TTC7B: variants seen among roughly 807,000 people sequenced by gnomAD.
The protein encoded by TTC7B is tetratricopeptide repeat domain 7B.
Under a neutral mutation model 106.8 loss-of-function variants are expected in TTC7B, and 28 were observed. The observed-to-expected ratio is 0.26, with a 90% CI of 0.19 to 0.36. The LOEUF is 0.36. TTC7B is among the 10% of genes least tolerant of loss of function. TTC7B has a pLI of 1.00. For synonymous variants in TTC7B, 405 were observed against 430.6 expected (o/e 0.94, Z 0.74); for missense variants, 862 against 1,076.4 (o/e 0.80, Z 2.79).
chr14:90,738,099 A>G (rs1889616375), intron 4 of TTC7B, among the ~76,000 whole-genome samples: 1 of 152,212 alleles, frequency 6.6e-6, no homozygotes, highest in Non-Finnish European at 1.5e-5. Flanking sequence ...CAGTAATGCT[A>G]TTTTTGAGAA....
chr14:90,633,126 T>C lies in TTC7B; in HGVS notation c.1751+10922A>G, dbSNP rs569884669. Among the ~76,000 whole-genome samples, 3 of 152,336 alleles carry C rather than the reference T, an allele frequency of 2.0e-5. No homozygotes were observed. The East Asian group carries it at 5.8e-4, about 29-fold the overall frequency. On this transcript the variant is annotated intron_variant, in intron 15 of 19. Coordinates refer to ENST00000328459, the MANE Select transcript of TTC7B (RefSeq NM_001010854.2). ...GAGGGTGTGTCTCAATATCATCTGA[T>C]GTCTTATAGTTATGGGTCAGAGAAA... is the stretch of plus-strand genomic sequence containing the variant.
intron 5 of TTC7B, among the ~76,000 whole-genome samples, chr14:90,726,358 C>G (rs150814727): frequency 3.7e-4 from 57 of 152,270 alleles, no homozygotes; most frequent in African/African-American, 1.3e-3. Context: ...TGGTTATGCA[C>G]CTTGAGCAGC....
chr14:90,556,855 C>T (rs1035703021), intron 19 of TTC7B, among the ~76,000 whole-genome samples: 2 of 152,178 alleles, frequency 1.3e-5, no homozygotes, highest in Non-Finnish European at 2.9e-5. Context: ...GGGACCACTG[C>T]CTCCACAGGG....
intron 5 of TTC7B, among the ~76,000 whole-genome samples, chr14:90,696,090 A>C (rs1168116023): frequency 6.6e-6 from 1 of 152,072 alleles, no homozygotes; most frequent in Non-Finnish European, 1.5e-5. Flanking sequence ...AAATTCATCA[A>C]ACCAACCCTC....
At chr14:90,602,790 CT>C (rs1892481559) in intron 17 of TTC7B, among the ~76,000 whole-genome samples, 1 of 151,798 alleles carries the variant, frequency 6.6e-6, no homozygotes, top group Non-Finnish European at 1.5e-5. Context: ...TTTATGATGT[CT>C]GCTTATTTTT....
intron 19 of TTC7B, among the ~76,000 whole-genome samples, chr14:90,572,456 C>G (rs1891072233): frequency 1.3e-5 from 2 of 152,222 alleles, no homozygotes; most frequent in Admixed American, 6.5e-5. Flanking sequence ...TCGGGTATTT[C>G]ATAAGAAAAT....
rs532313650 is a variant in TTC7B, at chr14:90,726,020, CA to C, written c.698+4054del. ...CTTTGGGAGGCCAAGGCAGGAGGAT[CA>C]CTTGAGCCCAGGAGTTCGAGGCTGC... is the stretch of plus-strand genomic sequence containing the variant. On this transcript the variant is annotated intron_variant, in intron 5 of 19. Coordinates refer to ENST00000328459, the MANE Select transcript of TTC7B (RefSeq NM_001010854.2). 2.6e-3 allele frequency among the ~76,000 whole-genome samples: 399 copies of C among 152,344 alleles called. 3 individuals are homozygous for C. Among genetic ancestry groups the C allele is most frequent in the Non-Finnish European group, 4.1e-3 (280 of 68,032 alleles).
At chr14:90,783,152 G>A (rs1046230425) in intron 2 of TTC7B, among the ~76,000 whole-genome samples, 1 of 152,196 alleles carries the variant, frequency 6.6e-6, no homozygotes, top group African/African-American at 2.4e-5. Context: ...AGTGTCAGGG[G>A]CCACCTTGCT....
At chr14:90,799,302 C>G (rs2030100099) in intron 1 of TTC7B, among the ~76,000 whole-genome samples, 1 of 152,234 alleles carries the variant, frequency 6.6e-6, no homozygotes, top group African/African-American at 2.4e-5. Context: ...CATCAGGGTC[C>G]TGGTGGCACT....
At chr14:90,696,703 T>C (rs1392764747) in intron 5 of TTC7B, among the ~76,000 whole-genome samples, 1 of 152,186 alleles carries the variant, frequency 6.6e-6, no homozygotes, top group African/African-American at 2.4e-5. Context: ...AAGATAATGA[T>C]TTATTGGCAT....
chr14:90,660,906 G>A (rs1181147560), intron 9 of TTC7B, among the ~76,000 whole-genome samples: 2 of 152,256 alleles, frequency 1.3e-5, no homozygotes, highest in Non-Finnish European at 2.9e-5. Flanking sequence ...CGAAGACCTT[G>A]AGCAAGGTGA....
intron 2 of TTC7B, among the ~76,000 whole-genome samples, chr14:90,781,858 G>C (rs1458081896): frequency 6.6e-6 from 1 of 152,110 alleles, no homozygotes; most frequent in Non-Finnish European, 1.5e-5. Flanking sequence ...TCTCCCCAAA[G>C]CCTCATCATT....
intron 1 of TTC7B, among the ~76,000 whole-genome samples, chr14:90,806,743 C>CA (rs1028645205): frequency 1.3e-5 from 2 of 152,008 alleles, no homozygotes; most frequent in Admixed American, 6.6e-5. Flanking sequence ...CTCATCTCTA[C>CA]AAAAAATACA....
chr14:90,809,341 T>A (rs1304230458), intron 1 of TTC7B, among the ~76,000 whole-genome samples: 1 of 152,270 alleles, frequency 6.6e-6, no homozygotes, highest in Non-Finnish European at 1.5e-5. Flanking sequence ...CTAATTCACA[T>A]GCTTGCACTT....
intron 6 of TTC7B, among the ~76,000 whole-genome samples, chr14:90,694,811 G>A (rs1887633281): frequency 7.3e-6 from 1 of 137,184 alleles, no homozygotes. Flanking sequence ...TATAAAACAT[G>A]TATATTTTAT....
Position 90,578,335 on chromosome 14 carries a change from C to T in TTC7B, c.2108-27G>A, listed in dbSNP as rs1566779981. ...TGTGAGGAGACAGCAACGGCACATG[C>T]TTTCCTGGTGCCCCTCTGAGGCCCT... On this transcript the variant is annotated intron_variant, in intron 18 of 19. Transcript: ENST00000328459. The surrounding 1 kb of genome is among the most constrained non-coding windows in gnomAD (Gnocchi z 4.7). The T allele has an allele frequency of 6.2e-7, 1 of 1,605,578 alleles. No homozygotes were observed. Among genetic ancestry groups the T allele is most frequent in the East Asian group, 2.2e-5 (1 of 44,706 alleles).
chr14:90,706,285 C>T (rs1435564123), intron 5 of TTC7B, among the ~76,000 whole-genome samples: 1 of 151,964 alleles, frequency 6.6e-6, no homozygotes, highest in African/African-American at 2.4e-5. Context: ...GCCTCAGCCT[C>T]CTGAGTAGCT....
intron 1 of TTC7B, among the ~76,000 whole-genome samples, chr14:90,801,259 T>C (rs1360891883): frequency 6.8e-6 from 1 of 147,624 alleles, no homozygotes; most frequent in East Asian, 2.0e-4. Flanking sequence ...CACTATGCAG[T>C]GCCGGCAGCC....
At chr14:90,590,249 C>T (rs1891900913) in intron 18 of TTC7B, among the ~76,000 whole-genome samples, 5 of 152,302 alleles carry the variant, frequency 3.3e-5, no homozygotes, top group South Asian at 2.1e-4. Context: ...AAGCAGCTGG[C>T]GGCACAGGTG....
Sources: allele counts gnomAD v4.1 joint callset (sites outside exome capture counted in the v4.1 genomes callset), GRCh38; gene constraint gnomAD v4.1.1; non-coding constraint Gnocchi (gnomAD v3.1); transcripts MANE v1.5; gene names NCBI Gene and HGNC (gene_info 2026-07-23, HGNC 2026-07-21).